The following EGFR variants were observed in gnomAD, a reference collection of about 807,000 sequenced individuals.
EGFR encodes the protein avian erythroblastic leukemia viral (v-erb-b) oncogene homolog.
In EGFR, 58 loss-of-function variants were observed where a neutral mutation model predicts 143.0. The observed-to-expected ratio is 0.41, with a 90% CI of 0.33 to 0.50. The LOEUF is 0.50. Among genes scored for constraint, EGFR ranks in the 20% least tolerant of loss-of-function variants. The pLI is 0.39. For synonymous variants in EGFR, 613 were observed against 594.4 expected (o/e 1.03, Z -0.45); for missense variants, 1,307 against 1,579.0 (o/e 0.83, Z 2.92).
At chr7:55,192,959 T>A in intron 22 of EGFR, 118 bp downstream of exon 22, 1 of 919,774 alleles carries the variant, frequency 1.1e-6, no homozygotes, top group South Asian at 1.4e-5. Flanking sequence ...TAATGACTAA[T>A]GATAATGTAA....
chr7:55,185,710 T>C (rs937935446), intron 20 of EGFR, among the ~76,000 whole-genome samples: 1 of 152,228 alleles, frequency 6.6e-6, no homozygotes, highest in African/African-American at 2.4e-5. Flanking sequence ...TTTACAGTCC[T>C]GAGGCCAGGC....
At chr7:55,169,827 GT>G (rs1263765379) in intron 15 of EGFR, among the ~76,000 whole-genome samples, 1 of 152,294 alleles carries the variant, frequency 6.6e-6, no homozygotes, top group Admixed American at 6.5e-5. Context: ...ACAGCTTCTT[GT>G]TAGCAATCCC....
intron 1 of EGFR, among the ~76,000 whole-genome samples, chr7:55,037,138 C>T (rs559051698): frequency 3.9e-5 from 6 of 152,310 alleles, no homozygotes; most frequent in African/African-American, 1.4e-4. Context: ...GTCTGCTGTA[C>T]CAGCGGGGAC....
At chr7:55,144,073 T>G (rs892577810) in intron 3 of EGFR, among the ~76,000 whole-genome samples, 1 of 152,208 alleles carries the variant, frequency 6.6e-6, no homozygotes, top group African/African-American at 2.4e-5. Flanking sequence ...ATAGCAGTGA[T>G]TGTGCCTCAC....
chr7:55,031,794 G>A (rs973058148), intron 1 of EGFR, among the ~76,000 whole-genome samples: 2 of 152,310 alleles, frequency 1.3e-5, no homozygotes, highest in Non-Finnish European at 2.9e-5. Flanking sequence ...AAAGAGAGTT[G>A]CCAATATTAT....
At position 55,171,203 on chromosome 7, in the gene EGFR, C is replaced by T. The variant is rs1786333546; in HGVS notation, c.1909C>T (p.Pro637Ser). The change falls in exon 16 of 28, where the codon CCA becomes TCA. Residue 637 changes from proline (P) to serine (S), a missense_variant. Coordinates refer to ENST00000275493, the MANE Select transcript of EGFR (RefSeq NM_005228.5). Reference protein sequence around the residue: ...GCTGPGLEGCPTNGPKIPSIA... With the variant: ...GCTGPGLEGCSTNGPKIPSIA... The stretch of plus-strand genomic sequence containing the variant: ...CACTGGGCCAGGTCTTGAAGGCTGT[C>T]CAACGAATGGGTAAGTGTTCACAGC... The T allele has an allele frequency of 6.2e-7, 1 of 1,614,222 alleles. No homozygotes were observed. Among genetic ancestry groups the T allele is most frequent in the Non-Finnish European group, 8.5e-7 (1 of 1,180,040 alleles).
At chr7:55,097,943 C>T (rs923722186) in intron 1 of EGFR, among the ~76,000 whole-genome samples, 1 of 152,162 alleles carries the variant, frequency 6.6e-6, no homozygotes, top group Admixed American at 6.5e-5. Context: ...CACTCATTCC[C>T]TTATTTTTCC....
At chr7:55,044,884 A>G (rs1363471712) in intron 1 of EGFR, among the ~76,000 whole-genome samples, 2 of 152,242 alleles carry the variant, frequency 1.3e-5, no homozygotes, top group Non-Finnish European at 2.9e-5. Flanking sequence ...AACGAGGTCC[A>G]CAGAGGTTCT....
At chr7:55,172,935 G>C (rs760928978) in intron 16 of EGFR, 48 bp from the exon 17 acceptor site, 1 of 1,614,030 alleles carries the variant, frequency 6.2e-7, no homozygotes, top group Non-Finnish European at 8.5e-7. Context: ...CAAGGCCATG[G>C]AATCTGTCAG....
intron 1 of EGFR, among the ~76,000 whole-genome samples, chr7:55,098,208 A>G (rs1437333546): frequency 6.6e-6 from 1 of 152,216 alleles, no homozygotes; most frequent in Non-Finnish European, 1.5e-5. Context: ...GCTTCGTTAG[A>G]AACTGAAAGC....
chr7:55,191,590 A>G (rs2128964087), intron 20 of EGFR, 129 bp from the exon 21 acceptor site: 3 of 1,191,326 alleles, frequency 2.5e-6, no homozygotes, highest in Non-Finnish European at 1.2e-6. Context: ...AGTAGTCACT[A>G]ACGTTCGCCA....
At chr7:55,169,515 T>G (rs17290190) in intron 15 of EGFR, among the ~76,000 whole-genome samples, 2 of 152,178 alleles carry the variant, frequency 1.3e-5, no homozygotes, top group Admixed American at 1.3e-4. Context: ...TTTAATTATA[T>G]GTAACAAAGT....
rs750239730 is a variant in EGFR, at chr7:55,142,446, C to T, written c.240+9C>T. ...ATCTTTCCTTCTTAAAGGTTGGTGA[C>T]TTTGATTTTCCTACACAAATAAAAT... is the stretch of plus-strand genomic sequence containing the variant. On this transcript the variant is annotated intron_variant, in intron 2 of 27. Transcript: ENST00000275493. 1.9e-6 allele frequency: 3 copies of T among 1,613,530 alleles called. No homozygotes were observed. Among genetic ancestry groups the T allele is most frequent in the Non-Finnish European group, 2.5e-6 (3 of 1,180,010 alleles).
rs2128975757 is a variant in EGFR, at chr7:55,205,642, A to G, written c.*25A>G. ...ACCACGGAGGATAGTATGAGCCCTA[A>G]AAATCCAGACTCTTTCGATACCCAG... On this transcript the variant is annotated 3_prime_UTR_variant, in exon 28 of 28. Coordinates refer to ENST00000275493, the MANE Select transcript of EGFR (RefSeq NM_005228.5). 1.2e-6 allele frequency: 2 copies of G among 1,614,088 alleles called. No individual in the cohort carries two copies. The highest frequency in any genetic ancestry group is 2.2e-5 in the East Asian group (1 of 44,882).
chr7:55,037,856 C>A (rs950514692), intron 1 of EGFR, among the ~76,000 whole-genome samples: 13 of 152,318 alleles, frequency 8.5e-5, no homozygotes, highest in Admixed American at 8.5e-4. Flanking sequence ...CTCAGGAGAT[C>A]TATCTCAGTT....
In EGFR at chr7:55,151,313, C is replaced by A. The variant is rs773349388; in HGVS notation, c.579C>A (p.Ser193Arg). Residue 193 changes from serine to arginine, a missense_variant, in exon 5 of 28, where the codon AGC becomes AGA. Ser to Arg is a moderately radical substitution (Grantham distance 110). Around this residue, in one of 7 missense-constraint regions of EGFR, gnomAD observed 311 missense variants for 412.3 expected, o/e 0.75. Coordinates refer to ENST00000275493, the MANE Select transcript of EGFR (RefSeq NM_005228.5). ...TTTCAGGCCAAAAGTGTGATCCAAG[C>A]TGTCCCAATGGGAGCTGCTGGGGTG... is the stretch of plus-strand genomic sequence containing the variant. ...HLGSCQKCDPSCPNGSCWGAG... is the reference protein window; with the variant it reads ...HLGSCQKCDPRCPNGSCWGAG... 1 of 1,614,240 alleles carries A rather than the reference C, an allele frequency of 6.2e-7. No individual in the cohort carries two copies.
intron 1 of EGFR, among the ~76,000 whole-genome samples, chr7:55,086,244 C>T (rs1435274288): frequency 2.0e-5 from 3 of 152,300 alleles, no homozygotes; most frequent in South Asian, 2.1e-4. Context: ...GCTTGCACCC[C>T]GGAGCCTTCA....
chr7:55,150,262 A>C (rs1231282236), intron 4 of EGFR, among the ~76,000 whole-genome samples: 1 of 152,252 alleles, frequency 6.6e-6, no homozygotes, highest in African/African-American at 2.4e-5. Context: ...TGCTTTTAGC[A>C]CGCCTGCGTA....
chr7:55,036,347 G>A (rs981407235), intron 1 of EGFR, among the ~76,000 whole-genome samples: 1 of 146,834 alleles, frequency 6.8e-6, no homozygotes, highest in African/African-American at 2.5e-5. Context: ...GGTCTGTTCT[G>A]CCTTCTTTAT....
Sources: gnomAD v4.1 joint callset for allele counts (sites outside exome capture counted in the v4.1 genomes callset) on GRCh38, gnomAD v4.1.1 for gene constraint, gnomAD v4.1.1 regional missense constraint, MANE v1.5 for transcripts, NCBI Gene and HGNC (gene_info 2026-07-23, HGNC 2026-07-21) for gene names.